ZNF727: variants seen among roughly 807,000 people sequenced by gnomAD.
ZNF727 encodes the protein putative zinc finger protein 727.
In ZNF727, 11 loss-of-function variants were observed where a neutral mutation model predicts 11.5. The ratio of observed to expected loss-of-function variants is 0.95; its 90% CI spans 0.60 to 1.58. The LOEUF (loss-of-function observed/expected upper bound fraction) is 1.58, where lower values mean the gene tolerates loss of function less well. Ranked by LOEUF, ZNF727 falls within the 40% of genes most tolerant of loss-of-function variation. The pLI, the probability that ZNF727 is intolerant of heterozygous loss-of-function variation, is 0.00. For missense variants in ZNF727, 533 were observed against 581.7 expected (o/e 0.92, Z 0.86); for synonymous variants, 171 against 196.1 (o/e 0.87, Z 1.07).
At chr7:64,055,360 G>A (rs1364709055) in intron 1 of ZNF727, among the ~76,000 whole-genome samples, 1 of 151,864 alleles carries the variant, frequency 6.6e-6, no homozygotes, top group Non-Finnish European at 1.5e-5. Flanking sequence ...AGAGGTTGCA[G>A]TGAGCCAAGA....
intron 3 of ZNF727, among the ~76,000 whole-genome samples, chr7:64,073,573 A>G (rs1789996579): frequency 6.6e-6 from 1 of 151,910 alleles, no homozygotes; most frequent in African/African-American, 2.4e-5. Context: ...TATTTCTTTA[A>G]GTGGGGTACG....
intron 3 of ZNF727, among the ~76,000 whole-genome samples, chr7:64,074,081 T>A (rs1157474554): frequency 2.6e-5 from 4 of 152,160 alleles, no homozygotes; most frequent in Non-Finnish European, 5.9e-5. Flanking sequence ...TTGGAAAGTC[T>A]TTAAGCTAGA....
At chr7:64,073,284 G>A (rs1357436341) in intron 3 of ZNF727, among the ~76,000 whole-genome samples, 1 of 138,814 alleles carries the variant, frequency 7.2e-6, no homozygotes, top group Non-Finnish European at 1.5e-5. Context: ...CATATTCCAT[G>A]TTGATGTTTT....
At chr7:64,061,737 G>A (rs552858683) in intron 1 of ZNF727, among the ~76,000 whole-genome samples, 5 of 151,662 alleles carry the variant, frequency 3.3e-5, no homozygotes, top group Middle Eastern at 3.5e-3. Flanking sequence ...TTCTTGTTTT[G>A]TAGTATCTTC....
chr7:64,046,788 C>G (rs1562788595), intron 1 of ZNF727, among the ~76,000 whole-genome samples: 1 of 152,174 alleles, frequency 6.6e-6, no homozygotes, highest in African/African-American at 2.4e-5. Flanking sequence ...GAATATCCAA[C>G]TATGGTTTGG....
chr7:64,071,658 T>C (rs1382528956), intron 3 of ZNF727, among the ~76,000 whole-genome samples: 2 of 152,108 alleles, frequency 1.3e-5, no homozygotes, highest in Non-Finnish European at 2.9e-5. Context: ...TATCCCAAAA[T>C]TCATTTTCAA....
chr7:64,064,160 T>A (rs1042159237), intron 1 of ZNF727, among the ~76,000 whole-genome samples: 2 of 152,052 alleles, frequency 1.3e-5, no homozygotes, highest in Non-Finnish European at 2.9e-5. Flanking sequence ...CAAGACAAAG[T>A]CTCTTTTACT....
In ZNF727 at chr7:64,081,449, C is replaced by T. The variant is rs1292886280; in HGVS notation, c.*2900C>T. Among the ~76,000 whole-genome samples, 2 of 152,086 alleles carry T rather than the reference C, an allele frequency of 1.3e-5. No individual in the cohort carries two copies. Among genetic ancestry groups the T allele is most frequent in the African/African-American group, 2.4e-5 (1 of 41,418 alleles). ...CATTTTCTGGTGGGGCAAGCAAAGC[C>T]AAACTCACCTTTGCAGACATGTGCC... On this transcript the variant is annotated 3_prime_UTR_variant, in exon 4 of 4. Coordinates refer to ENST00000456806, the MANE Select transcript of ZNF727 (RefSeq NM_001159522.3).
At chr7:64,046,265 A>T (rs1789504218) in intron 1 of ZNF727, among the ~76,000 whole-genome samples, 1 of 152,128 alleles carries the variant, frequency 6.6e-6, no homozygotes, top group Non-Finnish European at 1.5e-5. Flanking sequence ...TCCGGAGCTC[A>T]GGTGATCCGC....
chr7:64,056,811 C>T (rs1024628641), intron 1 of ZNF727, among the ~76,000 whole-genome samples: 6 of 152,128 alleles, frequency 3.9e-5, no homozygotes, highest in African/African-American at 7.2e-5. Flanking sequence ...CTTTCTAGGG[C>T]CACCTAAACT....
intron 1 of ZNF727, among the ~76,000 whole-genome samples, chr7:64,046,095 A>G (rs912562537): frequency 2.7e-4 from 41 of 152,144 alleles, no homozygotes; most frequent in African/African-American, 9.7e-4. Flanking sequence ...GGCTCACTGC[A>G]GCCTCCACCT....
At position 64,081,740 on chromosome 7, in the gene ZNF727, C is replaced by G. The variant is rs1468064230; in HGVS notation, c.*3191C>G. 6.6e-6 allele frequency among the ~76,000 whole-genome samples: 1 copy of G among 152,118 alleles called. No homozygotes were observed. Among genetic ancestry groups the G allele is most frequent in the African/African-American group, 2.4e-5 (1 of 41,414 alleles). ...AGCTTCTTCTGATTTGCAAGACCAT[C>G]CTGCAGAAATTAGGTCCAACAGTTC... On this transcript the variant is annotated 3_prime_UTR_variant, in exon 4 of 4. Transcript: ENST00000456806.
At chr7:64,046,480 C>T (rs1293216150) in intron 1 of ZNF727, among the ~76,000 whole-genome samples, 1 of 152,144 alleles carries the variant, frequency 6.6e-6, no homozygotes, top group Admixed American at 6.5e-5. Context: ...AGCACCATTC[C>T]TCTTGGTATT....
chr7:64,052,679 A>G (rs914470540), intron 1 of ZNF727, among the ~76,000 whole-genome samples: 1 of 152,184 alleles, frequency 6.6e-6, no homozygotes, highest in African/African-American at 2.4e-5. Flanking sequence ...TGCACCTGGA[A>G]AAGCTGCAGA....
At chr7:64,075,362 C>T (rs1790024212) in intron 3 of ZNF727, among the ~76,000 whole-genome samples, 1 of 151,956 alleles carries the variant, frequency 6.6e-6, no homozygotes, top group Non-Finnish European at 1.5e-5. Context: ...CCTATTTCAT[C>T]ATATTTTCTC....
At chr7:64,063,480 T>TTC (rs1789810191) in intron 1 of ZNF727, among the ~76,000 whole-genome samples, 14 of 143,602 alleles carry the variant, frequency 9.7e-5, no homozygotes, top group South Asian at 2.1e-4. Flanking sequence ...ATAAATGGAA[T>TTC]CTCTCTCTCT....
chr7:64,067,362 A>ACCAT (rs1789885159), intron 1 of ZNF727, among the ~76,000 whole-genome samples: 3 of 151,628 alleles, frequency 2.0e-5, no homozygotes, highest in Admixed American at 6.6e-5. Context: ...AACCAGAAAT[A>ACCAT]TTGACCCAGC....
chr7:64,069,165 A>G (rs1789919237), intron 2 of ZNF727, 148 bp downstream of exon 2: 1 of 830,858 alleles, frequency 1.2e-6, no homozygotes, highest in African/African-American at 1.8e-5. Context: ...AGTAAATATA[A>G]TCTTTAAGAT....
chr7:64,069,760 G>A (rs187608280), intron 3 of ZNF727, among the ~76,000 whole-genome samples, 151 bp downstream of exon 3: 1 of 152,122 alleles, frequency 6.6e-6, no homozygotes, highest in East Asian at 1.9e-4. Flanking sequence ...TAACATAGGG[G>A]AATTTTTTGT....
Sources: gnomAD v4.1 joint callset for allele counts (sites outside exome capture counted in the v4.1 genomes callset) on GRCh38, gnomAD v4.1.1 for gene constraint, MANE v1.5 for transcripts, NCBI Gene and HGNC (gene_info 2026-07-23, HGNC 2026-07-21) for gene names.